The following RBMS3 variants were observed in gnomAD, a reference collection of about 807,000 sequenced individuals.
RBMS3 encodes RNA binding motif single stranded interacting protein 3.
Under a neutral mutation model 66.8 loss-of-function variants are expected in RBMS3, and 27 were observed. That is an observed-to-expected ratio of 0.40 (90% CI 0.30 to 0.56). The LOEUF is 0.56. RBMS3 is among the 20% of genes least tolerant of loss of function. The pLI is 0.40. For synonymous variants in RBMS3, 188 were observed against 183.0 expected, an observed-to-expected ratio of 1.03 and a Z score of -0.22; for missense variants, 513 against 549.5, an observed-to-expected ratio of 0.93 and a Z score of 0.66.
intron 10 of RBMS3, among the ~76,000 whole-genome samples, chr3:29,907,073 T>C (rs990674281): frequency 3.3e-5 from 5 of 152,166 alleles, no homozygotes; most frequent in African/African-American, 7.2e-5. Flanking sequence ...TATTTGGTTA[T>C]TGGGTCATTT....
intron 4 of RBMS3, chr3:29,615,297 CTTAGAA>C (rs895556449): frequency 4.6e-5 from 7 of 152,166 alleles, no homozygotes; most frequent in African/African-American, 1.2e-4. Flanking sequence ...CTGCTCATGT[CTTAGAA>C]TTAGAATACT....
chr3:29,933,956 T>C (rs950100110), intron 10 of RBMS3: 1 of 152,134 alleles, frequency 6.6e-6, no homozygotes, highest in Non-Finnish European at 1.5e-5. Context: ...TCGATCCTTC[T>C]CATCATGCAT....
chr3:29,453,695 C>T (rs905556812), intron 2 of RBMS3, among the ~76,000 whole-genome samples: 2 of 152,178 alleles, frequency 1.3e-5, no homozygotes, highest in African/African-American at 4.8e-5. Context: ...TAAGAGATTT[C>T]TTGGCAGCTG....
intron 6 of RBMS3, chr3:29,767,632 A>T (rs964095545): frequency 6.6e-6 from 1 of 152,022 alleles, no homozygotes; most frequent in Admixed American, 6.6e-5. Context: ...AACAATGTGT[A>T]TGACTATGTA....
chr3:29,335,391 T>C (rs1252826508), intron 1 of RBMS3, among the ~76,000 whole-genome samples: 1 of 152,210 alleles, frequency 6.6e-6, no homozygotes, highest in Non-Finnish European at 1.5e-5. Flanking sequence ...GCAGAAATTA[T>C]GCATATAGTC....
chr3:29,817,867 C>T (rs2057958756), intron 6 of RBMS3, among the ~76,000 whole-genome samples: 1 of 151,774 alleles, frequency 6.6e-6, no homozygotes. Context: ...CTTCAGTAGC[C>T]CTTCTACAGT....
chr3:29,424,557 A>T (rs1319065091), intron 1 of RBMS3, among the ~76,000 whole-genome samples: 1 of 152,126 alleles, frequency 6.6e-6, no homozygotes. Context: ...GGTATAAGGA[A>T]ATTAGATTGG....
chr3:30,002,390 A>AAC (rs151133570), intron 14 of RBMS3, among the ~76,000 whole-genome samples: 10 of 151,584 alleles, frequency 6.6e-5, no homozygotes, highest in Non-Finnish European at 8.9e-5. Context: ...ACTCTCCCCC[A>AAC]ACACACACAC....
At chr3:29,986,281 A>G (rs956294824) in intron 12 of RBMS3, among the ~76,000 whole-genome samples, 1 of 151,688 alleles carries the variant, frequency 6.6e-6, no homozygotes, top group Non-Finnish European at 1.5e-5. Context: ...GATTCAATTA[A>G]AGAAACATTT....
At chr3:29,640,018 ACCATC>A (rs2049637675) in intron 4 of RBMS3, among the ~76,000 whole-genome samples, 1 of 151,804 alleles carries the variant, frequency 6.6e-6, no homozygotes, top group Admixed American at 6.6e-5. Flanking sequence ...CTATGCCCTG[ACCATC>A]AGGAAGCATG....
At chr3:29,771,822 G>A (rs2056217430) in intron 6 of RBMS3, among the ~76,000 whole-genome samples, 1 of 151,956 alleles carries the variant, frequency 6.6e-6, no homozygotes, top group African/African-American at 2.4e-5. Context: ...GAGAGTGAAG[G>A]AGGAGGTGCT....
At position 29,791,098 on chromosome 3, in the gene RBMS3, T is replaced by C. The variant is rs114488302; in HGVS notation, c.637+28109T>C. 7.5e-3 allele frequency among the ~76,000 whole-genome samples: 1,140 copies of C among 152,320 alleles called. 16 individuals are homozygous for C. The highest frequency in any genetic ancestry group is 0.026 in the African/African-American group (1,099 of 41,572). ...TATGTTTAAGAAGTCTTGTAACACATCTTGCTTTTAGAAATCCATTTATTT... is the reference window on the plus strand; with the variant it reads ...TATGTTTAAGAAGTCTTGTAACACACCTTGCTTTTAGAAATCCATTTATTT... On this transcript the variant is annotated intron_variant, in intron 6 of 14. Transcript: ENST00000383767.
intron 1 of RBMS3, among the ~76,000 whole-genome samples, chr3:29,319,115 G>T (rs2034861591): frequency 6.6e-6 from 1 of 151,932 alleles, no homozygotes; most frequent in Non-Finnish European, 1.5e-5. Context: ...TCCAGCCAGA[G>T]ATCAGATCAC....
In RBMS3 at chr3:29,925,416, T is replaced by C. The variant is rs189180076; in HGVS notation, c.940-10670T>C. 3.7e-3 allele frequency among the ~76,000 whole-genome samples: 564 copies of C among 152,256 alleles called. 2 individuals carry two copies. Among genetic ancestry groups the C allele is most frequent in the African/African-American group, 0.012 (511 of 41,552 alleles). ...CAGTGTGAAGGTTGCCATGAAAATA[T>C]GTCATAGGAAAAGAAAGGGAATTTT... On this transcript the variant is annotated intron_variant, in intron 10 of 14. Transcript: ENST00000383767.
chr3:29,946,285 A>G (rs1695301102), intron 12 of RBMS3, among the ~76,000 whole-genome samples: 2 of 151,702 alleles, frequency 1.3e-5, no homozygotes, highest in South Asian at 2.1e-4. Flanking sequence ...TAGCATTGTA[A>G]TATCTCCTTC....
At chr3:29,625,399 A>G (rs2049022674) in intron 4 of RBMS3, among the ~76,000 whole-genome samples, 1 of 152,164 alleles carries the variant, frequency 6.6e-6, no homozygotes, top group Admixed American at 6.5e-5. Flanking sequence ...ATTTGATGCA[A>G]GAAGTCTTTT....
rs148273686 is a variant in RBMS3 at position 29,989,966 on chromosome 3, C to T, written c.1180-1116C>T. 6.4e-3 allele frequency among the ~76,000 whole-genome samples: 967 copies of T among 152,166 alleles called. 8 individuals carry two copies. The highest frequency in any genetic ancestry group is 0.022 in the African/African-American group (921 of 41,512). The stretch of plus-strand genomic sequence containing the variant: ...GACCATTTTGATGATTATTATGAGA[C>T]ATTTGACAGCGTGGCTTATTGGAAA... On this transcript the variant is annotated intron_variant, in intron 13 of 14. Coordinates refer to ENST00000383767, the MANE Select transcript of RBMS3 (RefSeq NM_001003793.3).
At position 29,675,421 on chromosome 3, in the gene RBMS3, A is replaced by G. The variant is rs543867903; in HGVS notation, c.400-64299A>G. Among the ~76,000 whole-genome samples the G allele has an allele frequency of 2.2e-3, 328 of 152,326 alleles. 3 individuals are homozygous for G. Among genetic ancestry groups the G allele is most frequent in the African/African-American group, 7.1e-3 (295 of 41,584 alleles). On this transcript the variant is annotated intron_variant, in intron 4 of 14. Coordinates refer to ENST00000383767, the MANE Select transcript of RBMS3 (RefSeq NM_001003793.3). ...CAATGGCAAAAAAAAGCCAAAATAG[A>G]CAAATGGGATCTAATTAAACTAAAG...
At chr3:29,682,813 G>A (rs2051554410) in intron 4 of RBMS3, among the ~76,000 whole-genome samples, 1 of 152,134 alleles carries the variant, frequency 6.6e-6, no homozygotes, top group African/African-American at 2.4e-5. Flanking sequence ...ACACAAAGTA[G>A]GAAAGAGAGA....
Sources: gnomAD v4.1 joint callset for allele counts (sites outside exome capture counted in the v4.1 genomes callset) on GRCh38, gnomAD v4.1.1 for gene constraint, MANE v1.5 for transcripts, NCBI Gene and HGNC (gene_info 2026-07-23, HGNC 2026-07-21) for gene names.